The following TMEM123 variants were observed in gnomAD, a reference collection of about 807,000 sequenced individuals.
TMEM123 encodes the protein porimin.
TMEM123 carries 16 observed loss-of-function variants against 19.7 expected under a neutral mutation model. The ratio of observed to expected loss-of-function variants is 0.81; its 90% CI spans 0.55 to 1.23. TMEM123 has a LOEUF of 1.23. Among genes scored for constraint, TMEM123 ranks in the 50% most tolerant of loss-of-function variants. The pLI is 0.00. For missense variants in TMEM123, 313 were observed against 257.8 expected, an observed-to-expected ratio of 1.21 and a Z score of -1.47; for synonymous variants, 118 against 99.4, an observed-to-expected ratio of 1.19 and a Z score of -1.12.
At chr11:102,442,014 C>A (rs1279211159) in intron 2 of TMEM123, among the ~76,000 whole-genome samples, 1 of 152,176 alleles carries the variant, frequency 6.6e-6, no homozygotes, top group Non-Finnish European at 1.5e-5. Context: ...GAAGTTGAAT[C>A]CCTCACTAGA....
chr11:102,431,408 T>C (rs546115550), intron 2 of TMEM123, among the ~76,000 whole-genome samples: 11 of 152,312 alleles, frequency 7.2e-5, no homozygotes, highest in East Asian at 3.9e-4. Context: ...GGTGAGAACA[T>C]TGAAATTTTA....
chr11:102,435,117 A>C (rs1857749917), intron 2 of TMEM123, among the ~76,000 whole-genome samples: 1 of 151,964 alleles, frequency 6.6e-6, no homozygotes, highest in Non-Finnish European at 1.5e-5. Flanking sequence ...AGGCAGAAGG[A>C]TTGCTTGAGC....
chr11:102,430,928 G>C (rs1253436487), intron 2 of TMEM123, among the ~76,000 whole-genome samples: 1 of 152,148 alleles, frequency 6.6e-6, no homozygotes, highest in Non-Finnish European at 1.5e-5. Flanking sequence ...TGACATGGGG[G>C]AGGGACCACT....
At chr11:102,413,536 G>A (rs528884325) in intron 2 of TMEM123, among the ~76,000 whole-genome samples, 3 of 152,188 alleles carry the variant, frequency 2.0e-5, no homozygotes, top group South Asian at 2.1e-4. Flanking sequence ...AGCACGGCAG[G>A]TGCTTAACTT....
chr11:102,425,214 T>TA (rs1399945855), intron 2 of TMEM123, among the ~76,000 whole-genome samples: 2 of 152,174 alleles, frequency 1.3e-5, no homozygotes, highest in Non-Finnish European at 2.9e-5. Context: ...TTTTCATCTC[T>TA]AAAATAGCTA....
Position 102,398,747 on chromosome 11 carries a change from A to T in TMEM123, c.*120T>A. 1 of 984,410 alleles carries T rather than the reference A, an allele frequency of 1.0e-6. No homozygotes were observed. 61.0% of individuals were successfully genotyped at this position (984,410 alleles called of 1,614,324 possible). ...ATATTTACGTAATACACTGTACATTATATGCATGGCCTGTTTATACTATTT... is the reference window on the plus strand; with the variant it reads ...ATATTTACGTAATACACTGTACATTTTATGCATGGCCTGTTTATACTATTT... On this transcript the variant is annotated 3_prime_UTR_variant, in exon 5 of 5. Transcript: ENST00000398136.
intron 2 of TMEM123, among the ~76,000 whole-genome samples, chr11:102,409,189 C>T (rs1057495132): frequency 1.3e-5 from 2 of 152,144 alleles, no homozygotes; most frequent in African/African-American, 4.8e-5. Context: ...AGCAGCTTTT[C>T]ATTTCCTAGT....
At chr11:102,425,615 C>T (rs1169382245) in intron 2 of TMEM123, among the ~76,000 whole-genome samples, 2 of 134,398 alleles carry the variant, frequency 1.5e-5, no homozygotes, top group Admixed American at 1.6e-4. Flanking sequence ...CAAGGTCTCA[C>T]TCTGTTGCCC....
intron 2 of TMEM123, among the ~76,000 whole-genome samples, chr11:102,429,046 C>T (rs1268577337): frequency 6.6e-6 from 1 of 152,176 alleles, no homozygotes; most frequent in Non-Finnish European, 1.5e-5. Context: ...GTCAATCAGC[C>T]TCTCGCAGGA....
rs942062932 is a variant in TMEM123 at position 102,396,747 on chromosome 11, A to G, written c.*2120T>C. The G allele has an allele frequency of 6.6e-6, 1 of 152,346 alleles. No individual in the cohort carries two copies. Among genetic ancestry groups the G allele is most frequent in the Non-Finnish European group, 1.5e-5 (1 of 68,028 alleles). The allele number at this position is 152,346 out of a possible 1,614,324, so 9.4% of individuals were successfully genotyped here. On this transcript the variant is annotated 3_prime_UTR_variant, in exon 5 of 5. Transcript: ENST00000398136. ...CAAAGTACGGGTATTTGAAAGTAAC[A>G]AATTATACTACTTACATACAGAGAA... is the stretch of plus-strand genomic sequence containing the variant.
At chr11:102,423,370 A>G (rs1952101200) in intron 2 of TMEM123, among the ~76,000 whole-genome samples, 2 of 152,194 alleles carry the variant, frequency 1.3e-5, no homozygotes, top group Non-Finnish European at 1.5e-5. Context: ...CTAGGTCATA[A>G]TAAGGATAGC....
chr11:102,429,136 G>C (rs1252679058), intron 2 of TMEM123, among the ~76,000 whole-genome samples: 1 of 152,016 alleles, frequency 6.6e-6, no homozygotes, highest in Non-Finnish European at 1.5e-5. Context: ...CAGGAGATTT[G>C]TTAATTCCTG....
intron 2 of TMEM123, among the ~76,000 whole-genome samples, chr11:102,421,902 G>A (rs1952090120): frequency 1.3e-5 from 2 of 152,148 alleles, no homozygotes; most frequent in Admixed American, 6.5e-5. Context: ...ATTTGCAGAT[G>A]AGAAAACTGA....
At chr11:102,417,936 A>G (rs1179111431) in intron 2 of TMEM123, among the ~76,000 whole-genome samples, 5 of 152,202 alleles carry the variant, frequency 3.3e-5, no homozygotes, top group African/African-American at 1.2e-4. Flanking sequence ...ATAACTGGCT[A>G]GCCATAAGCA....
rs776194135 is a variant in TMEM123, at chr11:102,452,554, C to G, written c.70G>C (p.Gly24Arg). 79 of 1,569,236 alleles carry G rather than the reference C, an allele frequency of 5.0e-5. No homozygotes were observed. Among genetic ancestry groups the G allele is most frequent in the Middle Eastern group, 3.4e-4 (2 of 5,964 alleles). Residue 24 changes from glycine to arginine, a missense_variant, in exon 1 of 5, where the codon GGG (glycine) becomes CGG (arginine). By Grantham distance (125) the Gly-to-Arg change is moderately radical. Coordinates refer to ENST00000398136, the MANE Select transcript of TMEM123 (RefSeq NM_052932.3). ...ATGGCTGCGCTTTCATGGGCGGCCC[C>G]CAGCAGCGCTAGCACCTGCAGCGTC... Reference protein sequence around the residue: ...LGTLQVLALLGAAHESAAMAA... With the variant: ...LGTLQVLALLRAAHESAAMAA...
intron 2 of TMEM123, among the ~76,000 whole-genome samples, chr11:102,440,526 G>A (rs998783197): frequency 2.0e-5 from 3 of 152,174 alleles, no homozygotes; most frequent in Admixed American, 1.3e-4. Flanking sequence ...CACCAGGCCT[G>A]CCTTATAAGA....
chr11:102,404,889 A>G (rs679366), intron 2 of TMEM123, among the ~76,000 whole-genome samples: 32,814 of 151,718 alleles, frequency 0.22, 3,885 homozygotes, highest in Non-Finnish European at 0.25. Flanking sequence ...CTAAGCCACC[A>G]TGCTCGGCCC....
chr11:102,417,147 C>T (rs1250503299), intron 2 of TMEM123, among the ~76,000 whole-genome samples: 2 of 151,996 alleles, frequency 1.3e-5, no homozygotes, highest in African/African-American at 4.8e-5. Flanking sequence ...GGCAGTCAGA[C>T]AAGAGAAAGA....
At chr11:102,430,008 T>A (rs1308563413) in intron 2 of TMEM123, among the ~76,000 whole-genome samples, 3 of 152,230 alleles carry the variant, frequency 2.0e-5, no homozygotes, top group African/African-American at 7.2e-5. Context: ...GGCAGAGGCC[T>A]CTCTGATCTT....
Sources: allele counts gnomAD v4.1 joint callset (sites outside exome capture counted in the v4.1 genomes callset), GRCh38; gene constraint gnomAD v4.1.1; transcripts MANE v1.5; gene names NCBI Gene and HGNC (gene_info 2026-07-23, HGNC 2026-07-21).